HDX: variants seen among roughly 807,000 people sequenced by gnomAD.
HDX encodes highly divergent homeobox.
Under a neutral mutation model 45.2 loss-of-function variants are expected in HDX, and 19 were observed. The ratio of observed to expected loss-of-function variants is 0.42; its 90% CI spans 0.29 to 0.62. The LOEUF is 0.62. Among genes scored for constraint, HDX ranks in the 20% least tolerant of loss-of-function variants. The pLI, the probability that HDX is intolerant of heterozygous loss-of-function variation, is 0.20. For synonymous variants in HDX, 188 were observed against 172.8 expected, an observed-to-expected ratio of 1.09 and a Z score of -0.69; for missense variants, 532 against 493.9, an observed-to-expected ratio of 1.08 and a Z score of -0.73.
In HDX at chrX:84,326,366, C is replaced by A. The variant is rs2147754891; in HGVS notation, c.1825-66G>T. 6.1e-6 allele frequency: 5 copies of A among 821,849 alleles called. No individual in the cohort carries two copies. In the East Asian group the frequency reaches 1.3e-4, roughly 21 times the overall value. 67.7% of individuals were successfully genotyped at this position (821,849 alleles called of 1,213,427 possible). On this transcript the variant is annotated intron_variant, in intron 9 of 10. Transcript: ENST00000373177. ...AACCCAGGACTATACATGTTTGATG[C>A]ACAATAAAATTCTAAAAAACCATCA...
chrX:84,420,996 CTG>C (rs2039241152), intron 5 of HDX, among the ~76,000 whole-genome samples: 1 of 112,222 alleles, frequency 8.9e-6, no homozygotes, highest in Non-Finnish European at 1.9e-5. Flanking sequence ...TTTATCAACA[CTG>C]GACATGTCCT....
intron 3 of HDX, among the ~76,000 whole-genome samples, chrX:84,474,206 C>T (rs1252526631): frequency 2.7e-5 from 3 of 111,606 alleles, no homozygotes; most frequent in Non-Finnish European, 5.6e-5. Context: ...GCAGGAGAAT[C>T]GCTTGAACCT....
chrX:84,462,233 A>G, intron 4 of HDX, among the ~76,000 whole-genome samples: 1 of 112,346 alleles, frequency 8.9e-6, no homozygotes, highest in Middle Eastern at 4.6e-3. Context: ...TTACTGCAGC[A>G]CTATTCACAA....
chrX:84,406,626 C>T (rs1483354655), intron 5 of HDX, among the ~76,000 whole-genome samples: 3 of 110,416 alleles, frequency 2.7e-5, no homozygotes, highest in African/African-American at 6.6e-5. Flanking sequence ...AACATGGCTT[C>T]AATTTAAATG....
intron 5 of HDX, among the ~76,000 whole-genome samples, chrX:84,392,355 T>G (rs2038461017): frequency 1.8e-5 from 2 of 111,233 alleles, no homozygotes; most frequent in African/African-American, 6.5e-5. Context: ...GTGCGGTACC[T>G]CCAGCTTGGT....
At chrX:84,461,997 T>G (rs1400663730) in intron 4 of HDX, among the ~76,000 whole-genome samples, 1 of 112,022 alleles carries the variant, frequency 8.9e-6, no homozygotes, top group Non-Finnish European at 1.9e-5. Context: ...AAAATGGTTT[T>G]TATCCAAAAG....
intron 5 of HDX, among the ~76,000 whole-genome samples, chrX:84,435,491 T>A (rs2039604985): frequency 9.1e-6 from 1 of 110,193 alleles, no homozygotes; most frequent in Non-Finnish European, 1.9e-5. Flanking sequence ...GTTGCGAAAA[T>A]TTTCTCCCAC....
chrX:84,334,900 ATGTGTG>A (rs760571301), intron 8 of HDX, among the ~76,000 whole-genome samples: 4 of 107,877 alleles, frequency 3.7e-5, no homozygotes, highest in African/African-American at 1.0e-4. Flanking sequence ...CCTACTCTGT[ATGTGTG>A]TGTGTGTGTG....
intron 10 of HDX, among the ~76,000 whole-genome samples, chrX:84,325,962 T>C (rs1404089940): frequency 8.9e-6 from 1 of 111,950 alleles, no homozygotes; most frequent in Non-Finnish European, 1.9e-5. Flanking sequence ...ATTAAAAGCA[T>C]GTTAATCAAT....
intron 4 of HDX, among the ~76,000 whole-genome samples, chrX:84,459,993 C>T (rs1313165030): frequency 2.7e-5 from 3 of 111,293 alleles, no homozygotes; most frequent in Non-Finnish European, 5.7e-5. Flanking sequence ...ACCATTAAAG[C>T]ATCCAAAACC....
chrX:84,498,249 C>T (rs2041049206), intron 1 of HDX, among the ~76,000 whole-genome samples: 1 of 111,606 alleles, frequency 9.0e-6, no homozygotes, highest in Non-Finnish European at 1.9e-5. Flanking sequence ...TTGCCTTATA[C>T]CTAGATCTCT....
intron 10 of HDX, among the ~76,000 whole-genome samples, chrX:84,324,837 G>A (rs1232933803): frequency 9.1e-6 from 1 of 110,373 alleles, no homozygotes. Context: ...TTATTCCTCT[G>A]CTTGTACCTA....
chrX:84,415,841 C>A (rs771482767), intron 5 of HDX, among the ~76,000 whole-genome samples: 1 of 111,602 alleles, frequency 9.0e-6, no homozygotes, highest in Non-Finnish European at 1.9e-5. Context: ...ACTTAATGTG[C>A]GGAATGTAAC....
intron 1 of HDX, among the ~76,000 whole-genome samples, chrX:84,497,414 GAA>G (rs1428178455): frequency 1.3e-4 from 15 of 111,359 alleles, no homozygotes; most frequent in Admixed American, 9.6e-4. Flanking sequence ...TAGTGTATTA[GAA>G]AAGTTATATA....
At chrX:84,375,515 C>A in intron 5 of HDX, among the ~76,000 whole-genome samples, 1 of 112,083 alleles carries the variant, frequency 8.9e-6, no homozygotes, top group Non-Finnish European at 1.9e-5. Flanking sequence ...AAACGATAGA[C>A]TGGATTAAGA....
At chrX:84,455,485 T>C (rs1279298405) in intron 4 of HDX, among the ~76,000 whole-genome samples, 1 of 111,643 alleles carries the variant, frequency 9.0e-6, no homozygotes, top group Non-Finnish European at 1.9e-5. Context: ...GAATAAAGAA[T>C]TGGCGAGCTT....
At chrX:84,412,367 T>A (rs1009690324) in intron 5 of HDX, among the ~76,000 whole-genome samples, 3 of 111,641 alleles carry the variant, frequency 2.7e-5, no homozygotes, top group African/African-American at 9.8e-5. Context: ...TAAAAAAAAA[T>A]TCTGTATCAT....
intron 3 of HDX, 113 bp downstream of exon 3, chrX:84,475,138 T>C (rs1246576161): frequency 1.8e-6 from 1 of 556,093 alleles, no homozygotes; most frequent in African/African-American, 2.4e-5. Context: ...ACCAGGGAAG[T>C]GAAGCTGTTT....
chrX:84,372,359 CT>C (rs1217868568), intron 5 of HDX, among the ~76,000 whole-genome samples: 1 of 111,636 alleles, frequency 9.0e-6, no homozygotes, highest in Non-Finnish European at 1.9e-5. Flanking sequence ...ATTAAAATAA[CT>C]TTTTGCATAG....
Sources: gnomAD v4.1 joint callset for allele counts (sites outside exome capture counted in the v4.1 genomes callset) on GRCh38, gnomAD v4.1.1 for gene constraint, MANE v1.5 for transcripts, NCBI Gene and HGNC (gene_info 2026-07-23, HGNC 2026-07-21) for gene names.